DACH1: variants seen among roughly 807,000 people sequenced by gnomAD.
DACH1 encodes the protein dachshund family transcription factor 1.
Under a neutral mutation model 54.2 loss-of-function variants are expected in DACH1, and 12 were observed. The ratio of observed to expected loss-of-function variants is 0.22; its 90% CI spans 0.14 to 0.36. DACH1 has a LOEUF of 0.36. DACH1 is among the 10% of genes least tolerant of loss of function. The pLI is 1.00. For synonymous variants in DACH1, 386 were observed against 366.2 expected, an observed-to-expected ratio of 1.05 and a Z score of -0.62; for missense variants, 805 against 929.8, an observed-to-expected ratio of 0.87 and a Z score of 1.75.
intron 5 of DACH1, among the ~76,000 whole-genome samples, chr13:71,559,245 A>G (rs1229990728): frequency 2.0e-5 from 3 of 152,170 alleles, no homozygotes; most frequent in Non-Finnish European, 4.4e-5. Flanking sequence ...TAAAAATAAC[A>G]ATATATGGCA....
chr13:71,552,824 TATATATATATATATATATAGAGAGAGAG>T (rs1394476260), intron 6 of DACH1, among the ~76,000 whole-genome samples: 50 of 50,994 alleles, frequency 9.8e-4, no homozygotes, highest in East Asian at 1.2e-3. Context: ...TATATATATA[TATATATATATATATATATAGAGAGAGAG>T]AGAGAGAGAG....
chr13:71,626,111 T>C (rs967361102), intron 3 of DACH1, among the ~76,000 whole-genome samples: 5 of 152,058 alleles, frequency 3.3e-5, no homozygotes, highest in Admixed American at 1.3e-4. Flanking sequence ...CTTGGTAAAT[T>C]ATACTCCACA....
intron 1 of DACH1, among the ~76,000 whole-genome samples, chr13:71,828,564 A>G (rs958898696): frequency 5.3e-5 from 8 of 152,076 alleles, no homozygotes; most frequent in Non-Finnish European, 1.0e-4. Context: ...GTATTCAACC[A>G]TGAAACATTA....
rs201886906 is a variant in DACH1 at position 71,780,005 on chromosome 13, GGAAT to G, written c.848+85913_848+85916del. ...GCTTCAAAAACATCCTATGAAGGAA[GGAAT>G]GAATGAATGAATGAATGAATGAAAA... On this transcript the variant is annotated intron_variant, in intron 1 of 10. Coordinates refer to ENST00000613252, the MANE Select transcript of DACH1 (RefSeq NM_080759.6). 2.1e-3 allele frequency among the ~76,000 whole-genome samples: 315 copies of G among 149,964 alleles called. 3 individuals are homozygous for G. The highest frequency in any genetic ancestry group is 3.3e-3 in the Non-Finnish European group (225 of 67,854).
intron 1 of DACH1, among the ~76,000 whole-genome samples, chr13:71,779,282 CGT>C (rs1491330601): frequency 1.1e-5 from 1 of 92,332 alleles, no homozygotes; most frequent in Non-Finnish European, 2.1e-5. Context: ...TACGTATATA[CGT>C]ATATATACAC....
intron 1 of DACH1, among the ~76,000 whole-genome samples, chr13:71,752,399 T>C (rs1884966672): frequency 6.6e-6 from 1 of 152,126 alleles, no homozygotes; most frequent in Non-Finnish European, 1.5e-5. Context: ...AGTAACCTAG[T>C]TTGATATTAT....
chr13:71,677,749 C>T (rs1363355917), intron 2 of DACH1, among the ~76,000 whole-genome samples: 7 of 152,038 alleles, frequency 4.6e-5, no homozygotes, highest in African/African-American at 1.7e-4. Flanking sequence ...GAGACAGAGT[C>T]TCACTCTGTT....
intron 1 of DACH1, among the ~76,000 whole-genome samples, chr13:71,693,295 G>GTTTTTTTT (rs1881619219): frequency 8.9e-6 from 1 of 112,676 alleles, no homozygotes; most frequent in Non-Finnish European, 1.7e-5. Flanking sequence ...CATTTGTTTT[G>GTTTTTTTT]CTTTTTTTTT....
chr13:71,475,964 G>A, intron 8 of DACH1, 115 bp from the exon 9 acceptor site: 1 of 751,258 alleles, frequency 1.3e-6, no homozygotes, highest in Non-Finnish European at 1.9e-6. Flanking sequence ...GCTGAACTGA[G>A]TCTACCTATA....
chr13:71,771,728 G>T (rs989425907), intron 1 of DACH1, among the ~76,000 whole-genome samples: 2 of 151,190 alleles, frequency 1.3e-5, no homozygotes, highest in African/African-American at 4.8e-5. Context: ...GAAAGGATTT[G>T]AGTAAAATTC....
rs766085383 is a variant in DACH1, at chr13:71,569,497, T to C, written c.1299+3343A>G. 1.2e-4 allele frequency among the ~76,000 whole-genome samples: 18 copies of C among 152,248 alleles called. No homozygotes were observed. In the Middle Eastern group the frequency reaches 0.014, roughly 115 times the overall value. On this transcript the variant is annotated intron_variant, in intron 4 of 10. Coordinates refer to ENST00000613252, the MANE Select transcript of DACH1 (RefSeq NM_080759.6). ...TTATTTTTTTCCAACCACTTAAAAA[T>C]GCAAAACCATTCTTAACTCACAGGC...
At chr13:71,657,291 A>G (rs1879175029) in intron 2 of DACH1, among the ~76,000 whole-genome samples, 1 of 151,820 alleles carries the variant, frequency 6.6e-6, no homozygotes, top group African/African-American at 2.4e-5. Context: ...CATTTCTGTA[A>G]TTCCAGCATT....
chr13:71,450,714 T>A (rs1874961281), intron 10 of DACH1, among the ~76,000 whole-genome samples: 1 of 152,066 alleles, frequency 6.6e-6, no homozygotes. Flanking sequence ...TTGAAGGAAA[T>A]TAAAAGCTAC....
At chr13:71,475,925 AT>A in intron 8 of DACH1, 76 bp from the exon 9 acceptor site, 2 of 1,097,304 alleles carry the variant, frequency 1.8e-6, no homozygotes, top group Non-Finnish European at 2.4e-6. Flanking sequence ...AATGGTCTAT[AT>A]TTTTTATATT....
At chr13:71,731,343 G>A (rs1275531972) in intron 1 of DACH1, among the ~76,000 whole-genome samples, 4 of 148,632 alleles carry the variant, frequency 2.7e-5, no homozygotes, top group Non-Finnish European at 4.4e-5. Context: ...CCAGGCTGGA[G>A]TGCAGTGGCA....
chr13:71,546,972 TTCTTA>T, intron 6 of DACH1, among the ~76,000 whole-genome samples: 1 of 152,222 alleles, frequency 6.6e-6, no homozygotes. Flanking sequence ...CTACAATCTC[TTCTTA>T]TCTTGTTGCA....
At chr13:71,784,591 A>G (rs1194769722) in intron 1 of DACH1, among the ~76,000 whole-genome samples, 4 of 152,032 alleles carry the variant, frequency 2.6e-5, no homozygotes, top group South Asian at 2.1e-4. Context: ...ACTATTTCCA[A>G]TCTTTTGAAT....
intron 2 of DACH1, among the ~76,000 whole-genome samples, chr13:71,668,553 A>G (rs1594074112): frequency 6.6e-6 from 1 of 152,132 alleles, no homozygotes; most frequent in African/African-American, 2.4e-5. Flanking sequence ...AATCAATGAC[A>G]TAAGAGAACT....
intron 10 of DACH1, among the ~76,000 whole-genome samples, chr13:71,464,407 TAA>T (rs1348680921): frequency 6.6e-6 from 1 of 152,062 alleles, no homozygotes; most frequent in South Asian, 2.1e-4. Context: ...GTTGTAAGAC[TAA>T]AGAGATTTTT....
Sources: gnomAD v4.1 joint callset for allele counts (sites outside exome capture counted in the v4.1 genomes callset) on GRCh38, gnomAD v4.1.1 for gene constraint, MANE v1.5 for transcripts, NCBI Gene and HGNC (gene_info 2026-07-23, HGNC 2026-07-21) for gene names.